Variants in SLC2A14 observed in about 807,000 individuals in gnomAD.
SLC2A14 encodes the protein solute carrier family 2 member 14, also known as solute carrier family 2, facilitated glucose transporter member 14.
In SLC2A14, 13 loss-of-function variants were observed where a neutral mutation model predicts 43.0. That is an observed-to-expected ratio of 0.30 (90% CI 0.20 to 0.48). The LOEUF (loss-of-function observed/expected upper bound fraction) is 0.48, where lower values mean the gene tolerates loss of function less well. SLC2A14 is among the 20% of genes least tolerant of loss of function. The probability of loss-of-function intolerance (pLI) is 0.99; values close to 1 mark genes in which losing one functional copy is unlikely to be tolerated. For synonymous variants in SLC2A14, 190 were observed against 233.8 expected (o/e 0.81, Z 1.71); for missense variants, 428 against 620.4 (o/e 0.69, Z 3.29).
At chr12:7,837,017 A>C (rs1865515292) in intron 2 of SLC2A14, among the ~76,000 whole-genome samples, 1 of 151,020 alleles carries the variant, frequency 6.6e-6, no homozygotes, top group Non-Finnish European at 1.5e-5. Context: ...AAATACAAAA[A>C]TTATCCGAGC....
intron 2 of SLC2A14, chr12:7,863,417 A>C (rs1462048885): frequency 2.2e-6 from 1 of 453,318 alleles, no homozygotes; most frequent in African/African-American, 2.0e-5. Flanking sequence ...CCAAGAACCC[A>C]CCAATTCCAG....
chr12:7,837,207 A>C (rs1466282431), intron 2 of SLC2A14, among the ~76,000 whole-genome samples: 1 of 152,186 alleles, frequency 6.6e-6, no homozygotes, highest in Admixed American at 6.5e-5. Flanking sequence ...ACTTGTGGTA[A>C]TAATTTCACA....
intron 2 of SLC2A14, among the ~76,000 whole-genome samples, chr12:7,845,069 C>A (rs1234716511): frequency 6.6e-6 from 1 of 152,076 alleles, no homozygotes. Context: ...CTAGAAACTG[C>A]ATTTTCTGAT....
At chr12:7,873,199 C>G (rs987412521), upstream of SLC2A14, 25 of 985,438 alleles carry the variant, frequency 2.5e-5, no homozygotes, top group African/African-American at 3.8e-4. Flanking sequence ...TGGGACCCAC[C>G]ACCCTTGGCG....
chr12:7,864,935 A>G (rs1944827049), intron 2 of SLC2A14, among the ~76,000 whole-genome samples: 1 of 152,004 alleles, frequency 6.6e-6, no homozygotes, highest in South Asian at 2.1e-4. Context: ...GCTCAAATTT[A>G]CCGTAAAGAG....
At chr12:7,867,475 CG>C (rs1449213672) in intron 2 of SLC2A14, among the ~76,000 whole-genome samples, 1 of 151,958 alleles carries the variant, frequency 6.6e-6, no homozygotes, top group African/African-American at 2.4e-5. Flanking sequence ...AAGTGGAACC[CG>C]AAGATGAGAC....
Position 7,821,204 on chromosome 12 carries a change from C to G in SLC2A14, c.969+17G>C, listed in dbSNP as rs756368781. On this transcript the variant is annotated intron_variant, in intron 8 of 10. Transcript: ENST00000431042. ...GATTCATTTCTCCCCCCAAAATTATCAAACCATCCAACTTACAGAAAGTAA... is the reference window on the plus strand; with the variant it reads ...GATTCATTTCTCCCCCCAAAATTATGAAACCATCCAACTTACAGAAAGTAA... The G allele has an allele frequency of 1.4e-5, 22 of 1,600,260 alleles. No homozygotes were observed. In the South Asian group the frequency reaches 2.4e-4, roughly 18 times the overall value.
At chr12:7,850,556 C>T (rs970514371) in intron 2 of SLC2A14, among the ~76,000 whole-genome samples, 4 of 151,936 alleles carry the variant, frequency 2.6e-5, no homozygotes, top group South Asian at 2.1e-4. Flanking sequence ...CCACCACACC[C>T]GGCTAATGTT....
intron 1 of SLC2A14, among the ~76,000 whole-genome samples, chr12:7,878,976 CAAAAAAAAAAAAAAAA>C (rs58838986): frequency 4.3e-4 from 30 of 69,328 alleles, no homozygotes; most frequent in African/African-American, 1.0e-3. Context: ...GAGTCCGTCT[CAAAAAAAAAAAAAAAA>C]AAAAAAAAAA....
chr12:7,831,048 C>T (rs1002126444), intron 4 of SLC2A14, among the ~76,000 whole-genome samples: 1 of 148,442 alleles, frequency 6.7e-6, no homozygotes, highest in African/African-American at 2.5e-5. Context: ...TACTTGAACC[C>T]GGGAGGCAGA....
chr12:7,875,813 A>G (rs1945454355), upstream of SLC2A14, among the ~76,000 whole-genome samples: 1 of 152,082 alleles, frequency 6.6e-6, no homozygotes. Flanking sequence ...CGTCTCTACT[A>G]AAAATACAAA....
intron 1 of SLC2A14, among the ~76,000 whole-genome samples, chr12:7,889,136 T>A (rs897013870): frequency 1.4e-4 from 21 of 151,176 alleles, no homozygotes; most frequent in African/African-American, 4.9e-4. Context: ...TCAGGGCAAG[T>A]CCACAAGGCA....
chr12:7,882,931 C>G (rs1362898716), intron 1 of SLC2A14, among the ~76,000 whole-genome samples: 1 of 151,568 alleles, frequency 6.6e-6, no homozygotes, highest in East Asian at 1.9e-4. Context: ...GCTCTCCTGG[C>G]TAGGTGTGGT....
chr12:7,891,069 T>C (rs1176835356), exon 1 of SLC2A14: 1 of 1,535,198 alleles, frequency 6.5e-7, no homozygotes, highest in Non-Finnish European at 8.7e-7. Context: ...ATGCCGCATT[T>C]CATCTCCTTG....
chr12:7,871,287 G>T, intron 1 of SLC2A14: 1 of 1,142,526 alleles, frequency 8.8e-7, no homozygotes, highest in Non-Finnish European at 1.1e-6. Context: ...AGATGTACTG[G>T]GAGGCACCCA....
chr12:7,835,554 G>A (rs1438931778), intron 2 of SLC2A14, among the ~76,000 whole-genome samples: 1 of 152,182 alleles, frequency 6.6e-6, no homozygotes, highest in Non-Finnish European at 1.5e-5. Flanking sequence ...CTCAATCCTA[G>A]AATCTAAATC....
At chr12:7,854,110 A>G (rs1197406546) in intron 2 of SLC2A14, among the ~76,000 whole-genome samples, 1 of 152,122 alleles carries the variant, frequency 6.6e-6, no homozygotes, top group African/African-American at 2.4e-5. Flanking sequence ...AGAGTCATAT[A>G]TCTATAGCCT....
chr12:7,821,284 A>G lies in SLC2A14; in HGVS notation c.906T>C (p.Val302=). ...YSTGIFKDAG[V]QQPIYATISA... is the part of the protein sequence containing the mutation. ...TGATGGTGGCATAGATGGGCTGTTG[A>G]ACACCTGCATCCTTGAAGATTCCTG... is the stretch of plus-strand genomic sequence containing the variant. Residue 302 remains valine (V), a synonymous_variant, in exon 8 of 11, where the codon GTT becomes GTC. Transcript: ENST00000431042. 1 of 1,613,968 alleles carries G rather than the reference A, an allele frequency of 6.2e-7. No homozygotes were observed.
chr12:7,841,388 G>A (rs1193964994), intron 2 of SLC2A14, among the ~76,000 whole-genome samples: 1 of 152,056 alleles, frequency 6.6e-6, no homozygotes, highest in Non-Finnish European at 1.5e-5. Flanking sequence ...AGCCTCCCAA[G>A]CAGCTGGGAT....
Sources: gnomAD v4.1 joint callset for allele counts (sites outside exome capture counted in the v4.1 genomes callset) on GRCh38, gnomAD v4.1.1 for gene constraint, MANE v1.5 for transcripts, NCBI Gene and HGNC (gene_info 2026-07-23, HGNC 2026-07-21) for gene names.